VAV3: variants seen among roughly 807,000 people sequenced by gnomAD.
The protein encoded by VAV3 is guanine nucleotide exchange factor VAV3.
Under a neutral mutation model 131.2 loss-of-function variants are expected in VAV3, and 94 were observed. The observed-to-expected ratio is 0.72, with a 90% CI of 0.61 to 0.85. The LOEUF (loss-of-function observed/expected upper bound fraction) is 0.85. Among genes scored for constraint, VAV3 ranks in the 40% least tolerant of loss-of-function variants. The pLI, the probability that VAV3 is intolerant of heterozygous loss-of-function variation, is 0.00. For missense variants in VAV3, 939 were observed against 1,002.7 expected (o/e 0.94, Z 0.86); for synonymous variants, 349 against 342.0 (o/e 1.02, Z -0.22).
chr1:107,574,431 A>T (rs1448203440), intron 25 of VAV3, among the ~76,000 whole-genome samples: 1 of 152,242 alleles, frequency 6.6e-6, no homozygotes, highest in Non-Finnish European at 1.5e-5. Context: ...TCCATTCTTC[A>T]TAAGAACCTC....
intron 15 of VAV3, among the ~76,000 whole-genome samples, chr1:107,709,409 A>G (rs188077389): frequency 1.0e-3 from 153 of 152,280 alleles, no homozygotes; most frequent in African/African-American, 3.4e-3. Flanking sequence ...GAAGTAAAGG[A>G]AAGATAAGAG....
At chr1:107,592,569 G>A (rs1223158659) in intron 25 of VAV3, among the ~76,000 whole-genome samples, 1 of 152,054 alleles carries the variant, frequency 6.6e-6, no homozygotes, top group Non-Finnish European at 1.5e-5. Context: ...GTCTGCTTAT[G>A]GGTCACAAAA....
intron 21 of VAV3, among the ~76,000 whole-genome samples, chr1:107,616,354 A>AC (rs35495489): frequency 0.37 from 56,112 of 152,008 alleles, 10,731 homozygotes; most frequent in Middle Eastern, 0.43. Context: ...AGCAAGTAAC[A>AC]ATGTTCTCAT....
chr1:107,717,109 C>A (rs1661148744), intron 15 of VAV3, among the ~76,000 whole-genome samples: 1 of 152,080 alleles, frequency 6.6e-6, no homozygotes, highest in South Asian at 2.1e-4. Context: ...TTTATTGCAT[C>A]TATTTGATTC....
At chr1:107,703,739 C>T (rs1028550039) in intron 17 of VAV3, among the ~76,000 whole-genome samples, 2 of 152,144 alleles carry the variant, frequency 1.3e-5, no homozygotes, top group Non-Finnish European at 2.9e-5. Flanking sequence ...GACATGGCTA[C>T]CTTTTGAACT....
chr1:107,587,707 C>T (rs373785520), intron 25 of VAV3, among the ~76,000 whole-genome samples: 1 of 152,156 alleles, frequency 6.6e-6, no homozygotes, highest in African/African-American at 2.4e-5. Flanking sequence ...TCTTCTGCCT[C>T]GGCCTCCCGA....
At chr1:107,614,930 A>G (rs1309183119) in intron 21 of VAV3, among the ~76,000 whole-genome samples, 4 of 152,132 alleles carry the variant, frequency 2.6e-5, no homozygotes, top group African/African-American at 9.7e-5. Context: ...TTAATGTTAG[A>G]ATGTATAATA....
At chr1:107,574,994 C>T (rs11185136) in intron 25 of VAV3, among the ~76,000 whole-genome samples, 113,041 of 135,568 alleles carry the variant, frequency 0.83, 46,072 homozygotes, top group East Asian at 0.97. Flanking sequence ...TGTGTGTGTG[C>T]GTGCGTGCGC....
At chr1:107,926,690 C>T (rs1274583967) in intron 1 of VAV3, among the ~76,000 whole-genome samples, 1 of 152,186 alleles carries the variant, frequency 6.6e-6, no homozygotes, top group Admixed American at 6.5e-5. Context: ...TGCCCCATCA[C>T]AGCAGAAATC....
chr1:107,708,921 C>T (rs1418028542), intron 15 of VAV3, among the ~76,000 whole-genome samples: 3 of 151,958 alleles, frequency 2.0e-5, no homozygotes, highest in Non-Finnish European at 4.4e-5. Context: ...CATACAAACA[C>T]ATATACACAC....
At chr1:107,833,583 T>G (rs538345496) in intron 2 of VAV3, among the ~76,000 whole-genome samples, 1 of 152,344 alleles carries the variant, frequency 6.6e-6, no homozygotes, top group East Asian at 1.9e-4. Context: ...TACTTATGTA[T>G]GTCTATACTT....
intron 15 of VAV3, among the ~76,000 whole-genome samples, chr1:107,732,427 CT>C (rs1662304793): frequency 6.6e-6 from 1 of 152,136 alleles, no homozygotes; most frequent in Non-Finnish European, 1.5e-5. Context: ...ACCCAAGAAG[CT>C]CAAGGGGTTG....
chr1:107,802,561 A>T (rs992622144), intron 2 of VAV3, among the ~76,000 whole-genome samples: 2 of 152,120 alleles, frequency 1.3e-5, no homozygotes, highest in African/African-American at 2.4e-5. Context: ...AAGTGATGTT[A>T]AATTTTATCA....
chr1:107,730,327 T>A (rs946186548), intron 15 of VAV3, among the ~76,000 whole-genome samples: 4 of 152,178 alleles, frequency 2.6e-5, no homozygotes, highest in Non-Finnish European at 5.9e-5. Context: ...TATTTAACGA[T>A]CATCTGAATC....
At chr1:107,672,110 A>G (rs1209447909) in intron 19 of VAV3, 1 of 152,052 alleles carries the variant, frequency 6.6e-6, no homozygotes, top group African/African-American at 2.4e-5. Context: ...TCTACTAAAA[A>G]TACAAAAACT....
intron 2 of VAV3, among the ~76,000 whole-genome samples, chr1:107,811,581 T>A (rs970734538): frequency 6.6e-6 from 1 of 152,062 alleles, no homozygotes; most frequent in Non-Finnish European, 1.5e-5. Flanking sequence ...TTATTAAAAA[T>A]TTTTCAAAAG....
At chr1:107,747,502 AAT>A (rs1663425379) in intron 15 of VAV3, among the ~76,000 whole-genome samples, 5 of 152,362 alleles carry the variant, frequency 3.3e-5, no homozygotes, top group South Asian at 4.1e-4. Context: ...AGTATACTAG[AAT>A]ATGTTATGTA....
intron 12 of VAV3, among the ~76,000 whole-genome samples, chr1:107,754,942 C>A (rs190899689): frequency 6.6e-6 from 1 of 152,102 alleles, no homozygotes; most frequent in African/African-American, 2.4e-5. Flanking sequence ...TCAGTTATAG[C>A]AGCCAGTTCA....
intron 24 of VAV3, among the ~76,000 whole-genome samples, chr1:107,601,472 C>G (rs1275564397): frequency 2.0e-5 from 3 of 152,152 alleles, no homozygotes; most frequent in Non-Finnish European, 4.4e-5. Flanking sequence ...TTAACATCTG[C>G]AAAGTGCTTT....
Sources: allele counts gnomAD v4.1 joint callset (sites outside exome capture counted in the v4.1 genomes callset), GRCh38; gene constraint gnomAD v4.1.1; transcripts MANE v1.5; gene names NCBI Gene and HGNC (gene_info 2026-07-23, HGNC 2026-07-21).